TPD52L1: variants seen among roughly 807,000 people sequenced by gnomAD.
TPD52L1 encodes the protein tumor protein D53.
Under a neutral mutation model 28.7 loss-of-function variants are expected in TPD52L1, and 18 were observed. That is an observed-to-expected ratio of 0.63 (90% CI 0.43 to 0.93). TPD52L1 has a LOEUF of 0.93. Ranked by LOEUF, TPD52L1 falls within the 40% of genes least tolerant of loss-of-function variation. TPD52L1 has a pLI of 0.00. For synonymous variants in TPD52L1, 75 were observed against 88.8 expected (o/e 0.84, Z 0.88); for missense variants, 203 against 254.8 (o/e 0.80, Z 1.39).
chr6:125,157,834 G>C (rs1288717673), intron 1 of TPD52L1, among the ~76,000 whole-genome samples: 1 of 151,992 alleles, frequency 6.6e-6, no homozygotes, highest in Non-Finnish European at 1.5e-5. Context: ...CACAAACTTC[G>C]TGGCCTAAAA....
intron 1 of TPD52L1, among the ~76,000 whole-genome samples, chr6:125,174,218 C>A (rs1791685757): frequency 6.6e-6 from 1 of 152,136 alleles, no homozygotes; most frequent in African/African-American, 2.4e-5. Context: ...CATTTAATAT[C>A]CCCTGTGCTG....
At chr6:125,227,852 A>G (rs1795708115) in intron 2 of TPD52L1, among the ~76,000 whole-genome samples, 2 of 152,256 alleles carry the variant, frequency 1.3e-5, no homozygotes, top group African/African-American at 4.8e-5. Context: ...GAGCAATTTT[A>G]TAGTGCTGAA....
rs1789927084 is a variant in TPD52L1, at chr6:125,153,807, C to G, written c.-145C>G. On this transcript the variant is annotated 5_prime_UTR_variant, in exon 1 of 7. Transcript: ENST00000534000. ...TAGTGGCGGCTGCCTGCGTCCCCAACCCCCTCCGCGCAGCGCTCGCGACAC... is the reference window on the plus strand; with the variant it reads ...TAGTGGCGGCTGCCTGCGTCCCCAAGCCCCTCCGCGCAGCGCTCGCGACAC... 2.2e-6 allele frequency: 2 copies of G among 924,176 alleles called. No homozygotes were observed. The highest frequency in any genetic ancestry group is 1.5e-6 in the Non-Finnish European group (1 of 649,734). 57.2% of individuals were successfully genotyped at this position (924,176 alleles called of 1,614,324 possible).
chr6:125,177,656 G>T (rs902448716), intron 1 of TPD52L1, among the ~76,000 whole-genome samples: 1 of 152,108 alleles, frequency 6.6e-6, no homozygotes, highest in African/African-American at 2.4e-5. Context: ...ATGTCTTATT[G>T]AAGAGACTGT....
At chr6:125,244,793 G>C (rs1796824190) in intron 3 of TPD52L1, among the ~76,000 whole-genome samples, 1 of 152,110 alleles carries the variant, frequency 6.6e-6, no homozygotes, top group South Asian at 2.1e-4. Flanking sequence ...TGGGGTAGAG[G>C]TACAGACTTT....
intron 1 of TPD52L1, among the ~76,000 whole-genome samples, chr6:125,182,971 A>T (rs1352893280): frequency 6.6e-6 from 1 of 152,256 alleles, no homozygotes; most frequent in Non-Finnish European, 1.5e-5. Context: ...ACAGTATTAT[A>T]AACTGTGAGG....
rs368327270 is a variant in TPD52L1 at position 125,154,053 on chromosome 6, C to T, written c.19+83C>T. The T allele has an allele frequency of 1.4e-5, 22 of 1,530,144 alleles. No homozygotes were observed. In the African/African-American group the frequency reaches 2.5e-4, roughly 17 times the overall value. The allele number at this position is 1,530,144 out of a possible 1,614,324, so 94.8% of individuals were successfully genotyped here. A position where few individuals can be genotyped will look rare whatever the true frequency, so the allele number is the denominator to read the frequency against. On this transcript the variant is annotated intron_variant, in intron 1 of 6. Coordinates refer to ENST00000534000, the MANE Select transcript of TPD52L1 (RefSeq NM_003287.4). ...TTCCTGCACCACCTAACTTCGCTCTCGGACAGAACAGATTGGTGCCGTGTT... is the reference window on the plus strand; with the variant it reads ...TTCCTGCACCACCTAACTTCGCTCTTGGACAGAACAGATTGGTGCCGTGTT...
intron 1 of TPD52L1, among the ~76,000 whole-genome samples, chr6:125,197,895 A>G (rs1358597555): frequency 6.6e-6 from 1 of 152,170 alleles, no homozygotes; most frequent in East Asian, 1.9e-4. Context: ...TCACTCAGGA[A>G]AGGCTGGGTA....
intron 4 of TPD52L1, among the ~76,000 whole-genome samples, chr6:125,251,503 A>G (rs535749725): frequency 1.4e-4 from 21 of 152,342 alleles, no homozygotes; most frequent in African/African-American, 4.8e-4. Context: ...TTTTGTAAAA[A>G]TAAGTTATAT....
chr6:125,169,877 C>T (rs187697374), intron 1 of TPD52L1, among the ~76,000 whole-genome samples: 337 of 152,144 alleles, frequency 2.2e-3, no homozygotes, highest in Non-Finnish European at 3.4e-3. Flanking sequence ...TTACAGTGGC[C>T]TTTCCTTCTT....
chr6:125,181,236 A>G (rs17052816), intron 1 of TPD52L1, among the ~76,000 whole-genome samples: 26,797 of 152,176 alleles, frequency 0.18, 2,538 homozygotes, highest in East Asian at 0.36. Context: ...ATTAGCATAA[A>G]GAACTATGTC....
intron 3 of TPD52L1, among the ~76,000 whole-genome samples, chr6:125,230,302 T>A (rs1261089618): frequency 1.3e-5 from 2 of 152,120 alleles, no homozygotes; most frequent in African/African-American, 4.8e-5. Flanking sequence ...ACTCCACATA[T>A]GTGATGTGAT....
At chr6:125,261,043 A>G (rs956808699) in intron 6 of TPD52L1, 2 of 139,542 alleles carry the variant, frequency 1.4e-5, no homozygotes, top group Non-Finnish European at 3.0e-5. Flanking sequence ...AAAGAAAGAA[A>G]GAAAGAAAAG....
intron 1 of TPD52L1, chr6:125,203,730 TC>T: frequency 5.1e-6 from 5 of 985,286 alleles, no homozygotes; most frequent in Non-Finnish European, 4.8e-6. Flanking sequence ...TCCAGTTGGC[TC>T]CCCTGGAGTG....
intron 1 of TPD52L1, among the ~76,000 whole-genome samples, chr6:125,192,994 G>T (rs552458381): frequency 6.6e-6 from 1 of 152,266 alleles, no homozygotes; most frequent in Admixed American, 6.5e-5. Context: ...GTTAAGCATT[G>T]TGCCCAACAG....
intron 3 of TPD52L1, among the ~76,000 whole-genome samples, chr6:125,240,390 C>T (rs532449930): frequency 3.9e-5 from 6 of 152,184 alleles, no homozygotes; most frequent in African/African-American, 1.4e-4. Flanking sequence ...ATGGGAATTG[C>T]ATTGAATCTG....
chr6:125,257,634 A>G (rs944245151), intron 6 of TPD52L1, among the ~76,000 whole-genome samples: 2 of 152,360 alleles, frequency 1.3e-5, no homozygotes, highest in African/African-American at 4.8e-5. Flanking sequence ...ACAGCACAGT[A>G]TGGCTATCAT....
At chr6:125,230,549 A>G (rs1795889002) in intron 3 of TPD52L1, among the ~76,000 whole-genome samples, 1 of 152,178 alleles carries the variant, frequency 6.6e-6, no homozygotes, top group Non-Finnish European at 1.5e-5. Context: ...AGAGGTACCA[A>G]TAATTGACAG....
At chr6:125,231,981 G>C (rs1795980012) in intron 3 of TPD52L1, among the ~76,000 whole-genome samples, 1 of 152,172 alleles carries the variant, frequency 6.6e-6, no homozygotes, top group African/African-American at 2.4e-5. Context: ...CTGTGAGAAA[G>C]ACTGAGAAAC....
Sources: gnomAD v4.1 joint callset for allele counts (sites outside exome capture counted in the v4.1 genomes callset) on GRCh38, gnomAD v4.1.1 for gene constraint, MANE v1.5 for transcripts, NCBI Gene and HGNC (gene_info 2026-07-23, HGNC 2026-07-21) for gene names.